BRSK1: variants seen among roughly 807,000 people sequenced by gnomAD.
The protein encoded by BRSK1 is BR serine/threonine kinase 1.
In BRSK1, 17 loss-of-function variants were observed where a neutral mutation model predicts 86.2. The ratio of observed to expected loss-of-function variants is 0.20; its 90% CI spans 0.14 to 0.30. The LOEUF (loss-of-function observed/expected upper bound fraction) is 0.30. BRSK1 is among the 10% of genes least tolerant of loss of function. BRSK1 has a pLI of 1.00. For missense variants in BRSK1, 719 were observed against 1,071.9 expected, an observed-to-expected ratio of 0.67 and a Z score of 4.60; for synonymous variants, 464 against 440.1, an observed-to-expected ratio of 1.05 and a Z score of -0.68.
chr19:55,286,273 G>C (rs2088315335), intron 1 of BRSK1, among the ~76,000 whole-genome samples: 1 of 151,788 alleles, frequency 6.6e-6, no homozygotes, highest in Non-Finnish European at 1.5e-5. Context: ...TGGGGGTCTG[G>C]ACGCCTGGGC....
At chr19:55,285,586 G>A (rs77551207) in intron 1 of BRSK1, among the ~76,000 whole-genome samples, 2,418 of 152,298 alleles carry the variant, frequency 0.016, 30 homozygotes, top group Non-Finnish European at 0.025. Context: ...TCTCTGGCAT[G>A]CTGGCTCAGA....
At position 55,312,117 on chromosome 19, in the gene BRSK1, GCC is replaced by G; in HGVS notation, c.*54_*55del. Reference sequence around the variant, plus strand: ...GGACCCCCCTCCACCCCCCTTCCGTGCCCCCCAACTGTGAATCTGTAAATAAG... The same window carrying G: ...GGACCCCCCTCCACCCCCCTTCCGTGCCCCAACTGTGAATCTGTAAATAAG... On this transcript the variant is annotated 3_prime_UTR_variant, in exon 19 of 19. Coordinates refer to ENST00000309383, the MANE Select transcript of BRSK1 (RefSeq NM_032430.2). 1.3e-6 allele frequency: 1 copy of G among 792,412 alleles called. No homozygotes were observed. The highest frequency in any genetic ancestry group is 1.9e-6 in the Non-Finnish European group (1 of 515,344). The allele number at this position is 792,412 out of a possible 1,614,324, so 49.1% of individuals were successfully genotyped here.
In BRSK1 at chr19:55,288,916, A is replaced by T. The variant is rs117674004; in HGVS notation, c.318-564A>T. Among the ~76,000 whole-genome samples the T allele has an allele frequency of 3.9e-5, 6 of 152,236 alleles. No individual in the cohort carries two copies. In the East Asian group the frequency reaches 1.2e-3, roughly 29 times the overall value. On this transcript the variant is annotated intron_variant, in intron 3 of 18. Coordinates refer to ENST00000309383, the MANE Select transcript of BRSK1 (RefSeq NM_032430.2). ...GGGGGTTTTTAACTTCTAGGCGCTG[A>T]TGGGAGTTGTCGTCTATTGCCTCAC...
At chr19:55,295,253 G>A (rs972400213) in intron 7 of BRSK1, among the ~76,000 whole-genome samples, 6 of 152,136 alleles carry the variant, frequency 3.9e-5, no homozygotes, top group Admixed American at 6.6e-5. Flanking sequence ...CTCCCGAGCA[G>A]CTGGGATTAT....
At position 55,287,135 on chromosome 19, in the gene BRSK1, GGGGGGCCTCC is replaced by G. The variant is rs1435808252; in HGVS notation, c.231+39_231+48del. ...GCCTGCTGCAGTGTGCCTGCGGGTG[GGGGGGCCTCC>G]GGGGCTGAGGGCAGGGGCGGGGCCG... On this transcript the variant is annotated intron_variant, in intron 2 of 18. Transcript: ENST00000309383. The surrounding 1 kb of genome is among the most constrained non-coding windows in gnomAD (Gnocchi z 5.3). 6.2e-7 allele frequency: 1 copy of G among 1,613,160 alleles called. No individual in the cohort carries two copies. Among genetic ancestry groups the G allele is most frequent in the South Asian group, 1.1e-5 (1 of 91,044 alleles).
In BRSK1 at chr19:55,284,291, G is replaced by C; in HGVS notation, c.-152G>C. 1 of 625,064 alleles carries C rather than the reference G, an allele frequency of 1.6e-6. No homozygotes were observed. The highest frequency in any genetic ancestry group is 2.3e-6 in the Non-Finnish European group (1 of 437,092). The allele number at this position is 625,064 out of a possible 1,614,324, so 38.7% of individuals were successfully genotyped here. ...CCAGCTCCGCGGCCCGCCGACTGGG[G>C]GGGGCCAGCCCAGCCCCCTGGGGAC... On this transcript the variant is annotated 5_prime_UTR_variant, in exon 1 of 19. Transcript: ENST00000309383.
chr19:55,308,544 G>T, intron 17 of BRSK1, 95 bp from the exon 18 acceptor site: 3 of 856,708 alleles, frequency 3.5e-6, no homozygotes, highest in Non-Finnish European at 6.0e-6. Flanking sequence ...GGGGGGTGTT[G>T]TGTGCTTGGT....
intron 7 of BRSK1, among the ~76,000 whole-genome samples, chr19:55,295,131 T>C (rs2088466787): frequency 6.7e-6 from 1 of 150,246 alleles, no homozygotes. Flanking sequence ...TATTTTTATT[T>C]TTATTTTTTG....
chr19:55,302,040 A>G lies in BRSK1; in HGVS notation c.826-97A>G. The G allele has an allele frequency of 7.4e-7, 1 of 1,360,044 alleles. No homozygotes were observed. The highest frequency in any genetic ancestry group is 1.2e-5 in the South Asian group (1 of 85,864). The allele number at this position is 1,360,044 out of a possible 1,614,324, so 84.2% of individuals were successfully genotyped here. ...TGCCCCCGGTGGGGTGGGCGGGGAG[A>G]TGATCAGGGACCCCAAAACCACCCC... On this transcript the variant is annotated intron_variant, in intron 8 of 18. Transcript: ENST00000309383. The surrounding 1 kb of genome is among the most constrained non-coding windows in gnomAD (Gnocchi z 6.3).
intron 4 of BRSK1, among the ~76,000 whole-genome samples, chr19:55,292,145 C>T (rs1329775630): frequency 1.3e-5 from 2 of 152,108 alleles, no homozygotes; most frequent in African/African-American, 2.4e-5. Flanking sequence ...AGATATTCAA[C>T]GTATTTAACA....
rs907569717 is a variant in BRSK1 at position 55,302,330 on chromosome 19, G to A, written c.857+162G>A. ...GGGGGAAGAGGACACAGCTAGAGAA[G>A]GAGTCTAGGGGTCAGAGGCAGGAGG... On this transcript the variant is annotated intron_variant, in intron 9 of 18. Coordinates refer to ENST00000309383, the MANE Select transcript of BRSK1 (RefSeq NM_032430.2). This position sits in a 1 kb window ranked among gnomAD's most constrained non-coding sequence, Gnocchi z 6.3. The A allele has an allele frequency of 1.2e-6, 1 of 824,544 alleles. No individual in the cohort carries two copies. The highest frequency in any genetic ancestry group is 2.1e-6 in the Non-Finnish European group (1 of 487,416). 51.1% of individuals were successfully genotyped at this position (824,544 alleles called of 1,614,324 possible).
In BRSK1 at chr19:55,302,948, G is replaced by A. The variant is rs1035499464; in HGVS notation, c.1028+81G>A. 1.5e-5 allele frequency: 23 copies of A among 1,527,772 alleles called. No individual in the cohort carries two copies. Among genetic ancestry groups the A allele is most frequent in the Admixed American group, 5.8e-5 (3 of 51,562 alleles). 94.6% of individuals were successfully genotyped at this position (1,527,772 alleles called of 1,614,324 possible). ...TCCCTGCGCACATGCAGAGTGCTGG[G>A]CGAGGAACCCTGGCCTCTCATGGGG... On this transcript the variant is annotated intron_variant, in intron 10 of 18. Transcript: ENST00000309383. This position sits in a 1 kb window ranked among gnomAD's most constrained non-coding sequence, Gnocchi z 6.3.
intron 7 of BRSK1, among the ~76,000 whole-genome samples, chr19:55,301,244 A>G (rs1430732949): frequency 1.3e-5 from 2 of 152,272 alleles, no homozygotes; most frequent in East Asian, 3.9e-4. Context: ...ATGAGAGACA[A>G]CCGTTTCGAA....
At position 55,287,480 on chromosome 19, in the gene BRSK1, C is replaced by G. The variant is rs1037128898; in HGVS notation, c.317+181C>G. Among the ~76,000 whole-genome samples, 21 of 152,186 alleles carry G rather than the reference C, an allele frequency of 1.4e-4. No individual in the cohort carries two copies. The highest frequency in any genetic ancestry group is 5.9e-5 in the Non-Finnish European group (4 of 68,010). On this transcript the variant is annotated intron_variant, in intron 3 of 18. Coordinates refer to ENST00000309383, the MANE Select transcript of BRSK1 (RefSeq NM_032430.2). This position sits in a 1 kb window ranked among gnomAD's most constrained non-coding sequence, Gnocchi z 5.3. ...AGCCCCTGACACACAGGGAACCCCA[C>G]TGTTGTCACGCTGTGTTGGGCCTGA... is the stretch of plus-strand genomic sequence containing the variant.
chr19:55,309,077 C>A (rs2088723286), intron 18 of BRSK1, among the ~76,000 whole-genome samples: 1 of 151,942 alleles, frequency 6.6e-6, no homozygotes, highest in Admixed American at 6.6e-5. Context: ...AACATCCTGC[C>A]AACAGAGGTT....
intron 7 of BRSK1, among the ~76,000 whole-genome samples, chr19:55,296,660 C>T (rs558043890): frequency 2.6e-5 from 4 of 152,224 alleles, no homozygotes; most frequent in Non-Finnish European, 4.4e-5. Context: ...TCCTGGCTAA[C>T]GTGGTGAAAC....
chr19:55,298,045 C>G lies in BRSK1; in HGVS notation c.679-3467C>G, dbSNP rs901036706. 9.7e-4 allele frequency among the ~76,000 whole-genome samples: 148 copies of G among 151,920 alleles called. 1 individual carries two copies. The highest frequency in any genetic ancestry group is 3.5e-3 in the African/African-American group (145 of 41,458). On this transcript the variant is annotated intron_variant, in intron 7 of 18. Transcript: ENST00000309383. ...GGCCAGGCTGGTCTCGAACTCCTGA[C>G]CTCAGGTGATCCACCCGCCTCAGCT...
chr19:55,301,733 G>A, intron 8 of BRSK1, 75 bp downstream of exon 8: 1 of 1,518,540 alleles, frequency 6.6e-7, no homozygotes, highest in Non-Finnish European at 8.9e-7. Context: ...AAGTCATGGG[G>A]ATGGGTTTCC....
chr19:55,297,398 C>A (rs1009636964), intron 7 of BRSK1, among the ~76,000 whole-genome samples: 1 of 152,142 alleles, frequency 6.6e-6, no homozygotes, highest in South Asian at 2.1e-4. Flanking sequence ...AGGCACTGTT[C>A]TGATCATGTT....
Sources: gnomAD v4.1 joint callset for allele counts (sites outside exome capture counted in the v4.1 genomes callset) on GRCh38, gnomAD v4.1.1 for gene constraint, Gnocchi (gnomAD v3.1) non-coding constraint, MANE v1.5 for transcripts, NCBI Gene and HGNC (gene_info 2026-07-23, HGNC 2026-07-21) for gene names.